SDK1: variants seen among roughly 807,000 people sequenced by gnomAD.
The protein encoded by SDK1 is sidekick cell adhesion molecule 1.
A neutral mutation model predicts 245.5 loss-of-function variants in SDK1; 157 were observed. The observed-to-expected ratio is 0.64, with a 90% CI of 0.56 to 0.73. SDK1 has a LOEUF of 0.73. Ranked by LOEUF, SDK1 falls within the 30% of genes least tolerant of loss-of-function variation. SDK1 has a pLI of 0.00. For synonymous variants in SDK1, 1,647 were observed against 1,278.5 expected, an observed-to-expected ratio of 1.29 and a Z score of -6.15; for missense variants, 3,583 against 3,002.3, an observed-to-expected ratio of 1.19 and a Z score of -4.52.
intron 1 of SDK1, among the ~76,000 whole-genome samples, chr7:3,504,182 A>ATGTGTGTGTGTGTGTGTGTGTGTG (rs56306302): frequency 0.011 from 1,434 of 131,874 alleles, 17 homozygotes; most frequent in South Asian, 0.02. Flanking sequence ...ATATATATAT[A>ATGTGTGTGTGTGTGTGTGTGTGTG]TGTGTGTGTG....
chr7:3,718,923 G>C (rs1785281575), intron 4 of SDK1, among the ~76,000 whole-genome samples: 1 of 152,200 alleles, frequency 6.6e-6, no homozygotes, highest in Non-Finnish European at 1.5e-5. Context: ...ATTCCAGCAA[G>C]CTTGCAGTAT....
Position 4,097,073 on chromosome 7 carries a change from A to G in SDK1, c.3325-13590A>G, listed in dbSNP as rs543198223. On this transcript the variant is annotated intron_variant, in intron 22 of 44. Coordinates refer to ENST00000404826, the MANE Select transcript of SDK1 (RefSeq NM_152744.4). ...GGTAGAAACTGACTTTAGGAACAGC[A>G]AGGAGGCTTCTCACCCAGCACACTG... Among the ~76,000 whole-genome samples, 27 of 152,342 alleles carry G rather than the reference A, an allele frequency of 1.8e-4. No individual in the cohort carries two copies. The East Asian group carries it at 4.1e-3, about 23-fold the overall frequency.
At chr7:3,448,181 C>G (rs902599107) in intron 1 of SDK1, among the ~76,000 whole-genome samples, 1 of 152,116 alleles carries the variant, frequency 6.6e-6, no homozygotes, top group African/African-American at 2.4e-5. Context: ...TTTAACAGCA[C>G]TAGGTGTTAT....
chr7:4,040,358 G>A (rs1156768296), intron 17 of SDK1, among the ~76,000 whole-genome samples: 2 of 152,106 alleles, frequency 1.3e-5, no homozygotes, highest in African/African-American at 4.8e-5. Context: ...CAACCCGGGG[G>A]TCCGTGGCAA....
chr7:3,454,285 A>T (rs1386381115), intron 1 of SDK1, among the ~76,000 whole-genome samples: 1 of 152,058 alleles, frequency 6.6e-6, no homozygotes, highest in Non-Finnish European at 1.5e-5. Flanking sequence ...CACTTTCTAG[A>T]GTTTCATCTT....
chr7:3,790,645 A>G (rs375014932), intron 4 of SDK1, among the ~76,000 whole-genome samples: 10 of 152,276 alleles, frequency 6.6e-5, no homozygotes, highest in African/African-American at 2.2e-4. Flanking sequence ...CCATCTCACT[A>G]AAAATACAAA....
At chr7:4,174,135 A>G (rs1319975445) in intron 32 of SDK1, 87 bp from the exon 33 acceptor site, 1 of 1,414,132 alleles carries the variant, frequency 7.1e-7, no homozygotes, top group Middle Eastern at 1.8e-4. Flanking sequence ...GCAGCTGGCT[A>G]GTTAAACAGG....
intron 4 of SDK1, among the ~76,000 whole-genome samples, chr7:3,734,580 T>G (rs1328927002): frequency 1.3e-5 from 2 of 152,248 alleles, no homozygotes; most frequent in African/African-American, 2.4e-5. Context: ...TATCTAAGAT[T>G]AGTTACCATC....
At chr7:4,232,093 A>ATATTTTATCT (rs914373173) in intron 40 of SDK1, among the ~76,000 whole-genome samples, 4 of 138,090 alleles carry the variant, frequency 2.9e-5, no homozygotes, top group Admixed American at 7.7e-5. Flanking sequence ...AATTGAATTT[A>ATATTTTATCT]TACAAACACA....
At chr7:4,246,223 T>C (rs11979013) in intron 44 of SDK1, among the ~76,000 whole-genome samples, 13,540 of 152,230 alleles carry the variant, frequency 0.089, 1,406 homozygotes, top group African/African-American at 0.25. Context: ...GTGAGAGGTT[T>C]CTTGCAGAGC....
At chr7:3,802,661 C>G (rs898737030) in intron 4 of SDK1, among the ~76,000 whole-genome samples, 1 of 152,148 alleles carries the variant, frequency 6.6e-6, no homozygotes, top group Non-Finnish European at 1.5e-5. Context: ...TGTTTTCCAT[C>G]TGTACAGTTT....
chr7:3,362,242 T>C (rs1353693647), intron 1 of SDK1, among the ~76,000 whole-genome samples: 1 of 152,220 alleles, frequency 6.6e-6, no homozygotes, highest in Non-Finnish European at 1.5e-5. Context: ...TAATCTGTTT[T>C]CACATAGTAT....
chr7:3,376,945 A>G (rs1314596991), intron 1 of SDK1, among the ~76,000 whole-genome samples: 1 of 151,614 alleles, frequency 6.6e-6, no homozygotes, highest in Admixed American at 6.6e-5. Flanking sequence ...CATTGTACTC[A>G]TACCTTTTAA....
Position 3,506,051 on chromosome 7 carries a change from C to G in SDK1, c.299-113029C>G, listed in dbSNP as rs147334596. On this transcript the variant is annotated intron_variant, in intron 1 of 44. Transcript: ENST00000404826. ...TAAGAAAAAAATTCATTTGTAGACACCCACATTTACCATTCATCATATTCT... is the reference window on the plus strand; with the variant it reads ...TAAGAAAAAAATTCATTTGTAGACAGCCACATTTACCATTCATCATATTCT... Among the ~76,000 whole-genome samples the G allele has an allele frequency of 1.2e-3, 178 of 152,122 alleles. 2 individuals are homozygous for G. The highest frequency in any genetic ancestry group is 4.1e-3 in the African/African-American group (170 of 41,512).
chr7:3,866,382 A>G (rs1780821339), intron 5 of SDK1, among the ~76,000 whole-genome samples: 1 of 152,194 alleles, frequency 6.6e-6, no homozygotes, highest in Non-Finnish European at 1.5e-5. Flanking sequence ...CAAGCACATA[A>G]CTGTGATCAT....
chr7:3,712,079 C>T (rs556733947), intron 4 of SDK1, among the ~76,000 whole-genome samples: 6 of 152,236 alleles, frequency 3.9e-5, no homozygotes, highest in South Asian at 2.1e-4. Context: ...AGCAGAGGTC[C>T]GCAACCCTTG....
rs757275055 is a variant in SDK1 at position 3,950,908 on chromosome 7, T to C, written c.848-15T>C. On this transcript the variant is annotated splice_polypyrimidine_tract_variant and intron_variant, in intron 5 of 44. Transcript: ENST00000404826. ...ACTTAGAGTTTCATGGACATTTCTCTTTTCTCTGCCACAGGAGATGTTGGC... is the reference window on the plus strand; with the variant it reads ...ACTTAGAGTTTCATGGACATTTCTCCTTTCTCTGCCACAGGAGATGTTGGC... 1 of 1,605,844 alleles carries C rather than the reference T, an allele frequency of 6.2e-7. No homozygotes were observed.
At position 3,403,857 on chromosome 7, in the gene SDK1, AT is replaced by A. The variant is rs1486887492; in HGVS notation, c.298+101974del. Among the ~76,000 whole-genome samples the A allele has an allele frequency of 1.2e-4, 13 of 112,216 alleles. 1 individual carries two copies. In the East Asian group the frequency reaches 1.3e-3, roughly 12 times the overall value. 73.6% of individuals were successfully genotyped at this position (112,216 alleles called of 152,430 possible). The stretch of plus-strand genomic sequence containing the variant: ...TATATATATATATATATATATATAT[AT>A]ATATATATATAATATATATATTTAT... On this transcript the variant is annotated intron_variant, in intron 1 of 44. Coordinates refer to ENST00000404826, the MANE Select transcript of SDK1 (RefSeq NM_152744.4).
At chr7:3,321,743 C>CT in intron 1 of SDK1, among the ~76,000 whole-genome samples, 3 of 83,172 alleles carry the variant, frequency 3.6e-5, no homozygotes, top group Non-Finnish European at 6.8e-5. Context: ...CATCCCCTCC[C>CT]CCCTCCTTCC....
Sources: gnomAD v4.1 joint callset for allele counts (sites outside exome capture counted in the v4.1 genomes callset) on GRCh38, gnomAD v4.1.1 for gene constraint, MANE v1.5 for transcripts, NCBI Gene and HGNC (gene_info 2026-07-23, HGNC 2026-07-21) for gene names.